AGBL3: variants seen among roughly 807,000 people sequenced by gnomAD.
The protein encoded by AGBL3 is cytosolic carboxypeptidase 3.
Under a neutral mutation model 94.5 loss-of-function variants are expected in AGBL3, and 68 were observed. The ratio of observed to expected loss-of-function variants is 0.72; its 90% CI spans 0.59 to 0.88. AGBL3 has a LOEUF of 0.88. AGBL3 is among the 40% of genes least tolerant of loss of function. The probability of loss-of-function intolerance (pLI) is 0.00; values close to 1 mark genes in which losing one functional copy is unlikely to be tolerated. For missense variants in AGBL3, 934 were observed against 1,103.8 expected, an observed-to-expected ratio of 0.85 and a Z score of 2.18; for synonymous variants, 354 against 370.7, an observed-to-expected ratio of 0.95 and a Z score of 0.52.
rs572199869 is a variant in AGBL3 at position 135,130,685 on chromosome 7, T to C, written c.2343-4156T>C. On this transcript the variant is annotated intron_variant, in intron 16 of 16. Coordinates refer to ENST00000436302, the MANE Select transcript of AGBL3 (RefSeq NM_178563.4). ...TGAATTATCTGCATTTACCACTGTA[T>C]ATGCATATAGTGACAGTATAACCTG... Among the ~76,000 whole-genome samples, 6 of 152,288 alleles carry C rather than the reference T, an allele frequency of 3.9e-5. No homozygotes were observed. In the East Asian group the frequency reaches 1.2e-3, roughly 29 times the overall value.
At chr7:134,995,357 T>G (rs1810877071) in intron 4 of AGBL3, 1 of 152,234 alleles carries the variant, frequency 6.6e-6, no homozygotes, top group Admixed American at 6.6e-5. Flanking sequence ...TAGAAAACCC[T>G]TCTGTCACAT....
At chr7:134,995,743 T>A (rs534887897) in intron 4 of AGBL3, among the ~76,000 whole-genome samples, 1 of 152,324 alleles carries the variant, frequency 6.6e-6, no homozygotes, top group Admixed American at 6.5e-5. Context: ...AGTCATGATG[T>A]CACACAGCTA....
chr7:134,990,101 T>A (rs2133358926), intron 3 of AGBL3, among the ~76,000 whole-genome samples: 1 of 152,358 alleles, frequency 6.6e-6, no homozygotes, highest in South Asian at 2.1e-4. Context: ...GAGAATTACT[T>A]CTATAGGCTT....
chr7:134,998,343 G>T (rs1388896346), intron 4 of AGBL3, among the ~76,000 whole-genome samples: 1 of 151,974 alleles, frequency 6.6e-6, no homozygotes, highest in East Asian at 1.9e-4. Context: ...ACCTTTTTGG[G>T]CATCTAGGAT....
intron 12 of AGBL3, among the ~76,000 whole-genome samples, chr7:135,063,074 A>G (rs372884151): frequency 1.4e-4 from 22 of 152,132 alleles, no homozygotes; most frequent in East Asian, 1.4e-3. Context: ...CTGCTTCTTC[A>G]TGATTCAGTC....
intron 12 of AGBL3, among the ~76,000 whole-genome samples, chr7:135,069,432 G>C: frequency 6.6e-6 from 1 of 152,246 alleles, no homozygotes; most frequent in East Asian, 1.9e-4. Flanking sequence ...ATTCTTTTCA[G>C]CACCACACCA....
At chr7:134,991,384 G>T (rs2718156) in intron 3 of AGBL3, among the ~76,000 whole-genome samples, 71,858 of 151,802 alleles carry the variant, frequency 0.47, 18,134 homozygotes, top group African/African-American at 0.66. Flanking sequence ...CTTTTCCTGG[G>T]TCTTCTGTTA....
At chr7:134,988,993 T>C (rs911857794) in intron 2 of AGBL3, among the ~76,000 whole-genome samples, 2 of 152,214 alleles carry the variant, frequency 1.3e-5, no homozygotes, top group African/African-American at 4.8e-5. Context: ...CTTTAAACTT[T>C]ATTCCTTCCA....
chr7:135,087,284 A>G (rs2116886875), intron 15 of AGBL3, among the ~76,000 whole-genome samples: 1 of 151,888 alleles, frequency 6.6e-6, no homozygotes, highest in Admixed American at 6.6e-5. Flanking sequence ...AAAAAAACCA[A>G]CTTTTCATTT....
At chr7:135,072,007 T>C (rs1007504863) in intron 12 of AGBL3, among the ~76,000 whole-genome samples, 1 of 152,178 alleles carries the variant, frequency 6.6e-6, no homozygotes, top group Non-Finnish European at 1.5e-5. Flanking sequence ...TTTTGCAATC[T>C]AGTCATCTGA....
At position 135,103,015 on chromosome 7, in the gene AGBL3, C is replaced by A. The variant is rs563314198; in HGVS notation, c.2111-12365C>A. Among the ~76,000 whole-genome samples the A allele has an allele frequency of 2.6e-4, 39 of 152,178 alleles. 3 individuals carry two copies. The South Asian group carries it at 7.0e-3, about 28-fold the overall frequency. ...TGGAAAAAAATTACCAAATGTACAA[C>A]CAATAAAGGCCTTGTTTTATACCTA... On this transcript the variant is annotated intron_variant, in intron 15 of 16. Coordinates refer to ENST00000436302, the MANE Select transcript of AGBL3 (RefSeq NM_178563.4).
chr7:134,997,845 T>C (rs1033747187), intron 4 of AGBL3, among the ~76,000 whole-genome samples: 2 of 152,192 alleles, frequency 1.3e-5, no homozygotes, highest in African/African-American at 4.8e-5. Flanking sequence ...CACTGTCCCT[T>C]GGCCTAGGCT....
chr7:135,077,330 T>C (rs552904511), intron 13 of AGBL3, among the ~76,000 whole-genome samples: 4 of 152,094 alleles, frequency 2.6e-5, no homozygotes, highest in Non-Finnish European at 5.9e-5. Context: ...GTTTGTAAAA[T>C]GATGGTTCCA....
intron 15 of AGBL3, among the ~76,000 whole-genome samples, chr7:135,096,903 G>C (rs1399508500): frequency 2.0e-5 from 3 of 152,154 alleles, no homozygotes; most frequent in African/African-American, 7.2e-5. Flanking sequence ...ATGCAGAAAA[G>C]AATTTGGGAT....
chr7:135,117,761 C>A (rs1826535351), intron 16 of AGBL3, among the ~76,000 whole-genome samples: 1 of 152,200 alleles, frequency 6.6e-6, no homozygotes. Flanking sequence ...ATATCAGATA[C>A]TTTTGGGGGT....
At chr7:135,067,391 G>C (rs968417929) in intron 12 of AGBL3, among the ~76,000 whole-genome samples, 1 of 152,222 alleles carries the variant, frequency 6.6e-6, no homozygotes, top group East Asian at 1.9e-4. Context: ...GAAGAGAGTA[G>C]TGGTTCTCAC....
In AGBL3 at chr7:135,121,177, C is replaced by T. The variant is rs570110645; in HGVS notation, c.2342+5566C>T. Among the ~76,000 whole-genome samples, 199 of 152,178 alleles carry T rather than the reference C, an allele frequency of 1.3e-3. 3 individuals carry two copies. Among genetic ancestry groups the T allele is most frequent in the African/African-American group, 4.7e-3 (197 of 41,522 alleles). ...CCAAGATGGTGCCATTGCACTCCAG[C>T]CTGGGCAACAAAAACAAAACTCCGT... is the stretch of plus-strand genomic sequence containing the variant. On this transcript the variant is annotated intron_variant, in intron 16 of 16. Transcript: ENST00000436302.
intron 4 of AGBL3, among the ~76,000 whole-genome samples, chr7:135,015,641 TAAAG>T (rs988400366): frequency 2.7e-5 from 4 of 147,878 alleles, no homozygotes; most frequent in African/African-American, 1.0e-4. Context: ...TATTAATAAA[TAAAG>T]AAGAGCATAA....
At chr7:135,007,221 A>G (rs1240306160) in intron 4 of AGBL3, among the ~76,000 whole-genome samples, 3 of 151,888 alleles carry the variant, frequency 2.0e-5, no homozygotes, top group Admixed American at 6.6e-5. Flanking sequence ...TGATAACAAA[A>G]CCACAAAAGA....
Sources: gnomAD v4.1 joint callset for allele counts (sites outside exome capture counted in the v4.1 genomes callset) on GRCh38, gnomAD v4.1.1 for gene constraint, MANE v1.5 for transcripts, NCBI Gene and HGNC (gene_info 2026-07-23, HGNC 2026-07-21) for gene names.